MIS18BP1: variants seen among roughly 807,000 people sequenced by gnomAD.
MIS18BP1 encodes MIS18 binding protein 1.
MIS18BP1 carries 72 observed loss-of-function variants against 116.1 expected under a neutral mutation model. The ratio of observed to expected loss-of-function variants is 0.62; its 90% CI spans 0.51 to 0.75. The LOEUF (loss-of-function observed/expected upper bound fraction) is 0.75. Among genes scored for constraint, MIS18BP1 ranks in the 30% least tolerant of loss-of-function variants. The pLI is 0.00. For synonymous variants in MIS18BP1, 386 were observed against 427.0 expected (o/e 0.90, Z 1.18); for missense variants, 1,363 against 1,303.2 (o/e 1.05, Z -0.71).
At chr14:45,206,596 C>T (rs531239598) in intron 14 of MIS18BP1, among the ~76,000 whole-genome samples, 5 of 152,232 alleles carry the variant, frequency 3.3e-5, no homozygotes, top group East Asian at 3.9e-4. Flanking sequence ...TGACCTCAAA[C>T]GTATTTCCAT....
intron 2 of MIS18BP1, 140 bp downstream of exon 2, chr14:45,246,603 C>T: frequency 1.7e-6 from 1 of 590,548 alleles, no homozygotes; most frequent in Non-Finnish European, 2.7e-6. Context: ...TTATGTCTTC[C>T]CACCATGTGA....
Position 45,204,136 on chromosome 14 carries a change from A to G in MIS18BP1, c.3372T>C (p.Tyr1124=). ...ATGCAGAATCAGAGTTCGAAAAATA[A>G]TAATCTTTCTCTTCTTCATCTAAAG... ...VESLDEEEKD[Y]YFSNSDSA is the part of the protein sequence containing the mutation. Residue 1124 remains tyrosine, a synonymous_variant, in exon 17 of 17, where the codon TAT becomes TAC. Transcript: ENST00000310806. 1 of 1,609,904 alleles carries G rather than the reference A, an allele frequency of 6.2e-7. No homozygotes were observed. The highest frequency in any genetic ancestry group is 8.5e-7 in the Non-Finnish European group (1 of 1,178,548).
intron 1 of MIS18BP1, among the ~76,000 whole-genome samples, chr14:45,248,988 C>G (rs1374110532): frequency 1.3e-5 from 2 of 152,080 alleles, no homozygotes; most frequent in Non-Finnish European, 2.9e-5. Context: ...TCCCTGCAAC[C>G]TCGAAATCCT....
In MIS18BP1 at chr14:45,204,034, C is replaced by G; in HGVS notation, c.*75G>C. ...AGGAAGCTACTTTACAAAGAAAATACATGTACTCCAGTTGAAAATACAAAC... is the reference window on the plus strand; with the variant it reads ...AGGAAGCTACTTTACAAAGAAAATAGATGTACTCCAGTTGAAAATACAAAC... On this transcript the variant is annotated 3_prime_UTR_variant, in exon 17 of 17. Transcript: ENST00000310806. 1.3e-6 allele frequency: 2 copies of G among 1,532,820 alleles called. No individual in the cohort carries two copies. The highest frequency in any genetic ancestry group is 2.5e-5 in the South Asian group (2 of 78,542). The allele number at this position is 1,532,820 out of a possible 1,614,324, so 95.0% of individuals were successfully genotyped here. A position where few individuals can be genotyped will look rare whatever the true frequency, so the allele number is the denominator to read the frequency against.
In MIS18BP1 at chr14:45,206,417, G is replaced by A. The variant is rs551825299; in HGVS notation, c.3153-247C>T. On this transcript the variant is annotated intron_variant, in intron 14 of 16. Coordinates refer to ENST00000310806, the MANE Select transcript of MIS18BP1 (RefSeq NM_018353.5). ...TCCTCCCAACTCAGCCTCCCAAGTA[G>A]CTTGGACTACAGGCACGTGCCATCA... 1.4e-5 allele frequency: 5 copies of A among 355,482 alleles called. No individual in the cohort carries two copies. In the East Asian group the frequency reaches 1.9e-4, roughly 13 times the overall value. The allele number at this position is 355,482 out of a possible 1,614,324, so 22.0% of individuals were successfully genotyped here. A position where few individuals can be genotyped will look rare whatever the true frequency, so the allele number is the denominator to read the frequency against.
At chr14:45,220,857 C>T (rs767020288) in intron 11 of MIS18BP1, among the ~76,000 whole-genome samples, 3 of 152,040 alleles carry the variant, frequency 2.0e-5, no homozygotes, top group Non-Finnish European at 1.5e-5. Flanking sequence ...AATATCTGGC[C>T]GGGCTGGTGG....
At chr14:45,239,386 C>T (rs897939149) in intron 4 of MIS18BP1, among the ~76,000 whole-genome samples, 5 of 152,118 alleles carry the variant, frequency 3.3e-5, no homozygotes, top group South Asian at 2.1e-4. Context: ...AGTCAGGGAA[C>T]GTCTTGGAAG....
chr14:45,251,911 A>G (rs1891884673), intron 1 of MIS18BP1, among the ~76,000 whole-genome samples: 1 of 152,220 alleles, frequency 6.6e-6, no homozygotes, highest in South Asian at 2.1e-4. Flanking sequence ...TCCACTTCTA[A>G]CTTGTTTTTT....
chr14:45,235,901 G>T lies in MIS18BP1; in HGVS notation c.1261C>A (p.Arg421=). Residue 421 remains arginine, a synonymous_variant, in exon 6 of 17, where the codon CGG becomes AGG. Coordinates refer to ENST00000310806, the MANE Select transcript of MIS18BP1 (RefSeq NM_018353.5). ...IYWHSNVIIE[R]IEHNKLRTIS... ...GTCCTAAGTTTGTTGTGCTCAATCC[G>T]CTCTATAATTACATTACTGTGCCAA... 6.2e-7 allele frequency: 1 copy of T among 1,610,968 alleles called. No individual in the cohort carries two copies. The highest frequency in any genetic ancestry group is 8.5e-7 in the Non-Finnish European group (1 of 1,178,440).
At chr14:45,252,295 C>T (rs1433252351) in intron 1 of MIS18BP1, among the ~76,000 whole-genome samples, 1 of 152,100 alleles carries the variant, frequency 6.6e-6, no homozygotes, top group Non-Finnish European at 1.5e-5. Context: ...ACAATTTACT[C>T]TATGTATTCA....
chr14:45,248,510 A>G (rs1891785254), intron 1 of MIS18BP1, among the ~76,000 whole-genome samples: 4 of 152,190 alleles, frequency 2.6e-5, no homozygotes, highest in African/African-American at 7.2e-5. Flanking sequence ...ACTAGTCTAG[A>G]TTTACAGCAT....
chr14:45,227,638 T>C lies in MIS18BP1; in HGVS notation c.1746+25A>G, dbSNP rs919800246. The C allele has an allele frequency of 2.5e-6, 4 of 1,595,808 alleles. No homozygotes were observed. In the African/African-American group the frequency reaches 5.4e-5, roughly 21 times the overall value. Reference sequence around the variant, plus strand: ...CACCCTTCTAAATATCAACTTGAACTATACAGTGTACAATAAAGCCTTACC... The same window carrying C: ...CACCCTTCTAAATATCAACTTGAACCATACAGTGTACAATAAAGCCTTACC... On this transcript the variant is annotated intron_variant, in intron 9 of 16. Transcript: ENST00000310806.
intron 14 of MIS18BP1, chr14:45,210,110 G>GTTTT: frequency 8.6e-6 from 2 of 232,686 alleles, no homozygotes; most frequent in African/African-American, 2.3e-5. Flanking sequence ...GGTTTCTTTA[G>GTTTT]TTTTTTTTTT....
intron 14 of MIS18BP1, among the ~76,000 whole-genome samples, chr14:45,209,681 AT>A (rs1890622993): frequency 6.6e-6 from 1 of 152,150 alleles, no homozygotes; most frequent in East Asian, 1.9e-4. Flanking sequence ...CTACTGATAG[AT>A]TTTTGAGGTA....
chr14:45,218,332 G>C lies in MIS18BP1; in HGVS notation c.2792C>G (p.Ser931Cys), dbSNP rs1441975805. The change falls in exon 12 of 17, where the codon TCC becomes TGC. Residue 931 changes from serine (S) to cysteine (C), a missense_variant. Ser to Cys is a moderately radical substitution (Grantham distance 112). Coordinates refer to ENST00000310806, the MANE Select transcript of MIS18BP1 (RefSeq NM_018353.5). ...KYMENPRGKG[S>C]QKHVTKKKPA... Reference sequence around the variant, plus strand: ...CTTCTTCTTAGTGACATGTTTCTGGGATCCTTTTCCTCTGGGATTTTCCAT... The same window carrying C: ...CTTCTTCTTAGTGACATGTTTCTGGCATCCTTTTCCTCTGGGATTTTCCAT... The C allele has an allele frequency of 6.2e-7, 1 of 1,613,880 alleles. No individual in the cohort carries two copies. Among genetic ancestry groups the C allele is most frequent in the Non-Finnish European group, 8.5e-7 (1 of 1,180,002 alleles).
At chr14:45,216,945 A>G (rs1890834274) in intron 13 of MIS18BP1, 74 bp downstream of exon 13, 1 of 1,477,676 alleles carries the variant, frequency 6.8e-7, no homozygotes, top group African/African-American at 1.4e-5. Context: ...TTAGTGATGA[A>G]CACTACCATA....
intron 14 of MIS18BP1, among the ~76,000 whole-genome samples, chr14:45,208,064 T>C (rs1594496370): frequency 6.6e-6 from 1 of 152,200 alleles, no homozygotes; most frequent in South Asian, 2.1e-4. Context: ...ATTTGTTACA[T>C]AAAATTGGGA....
chr14:45,249,412 A>G (rs1252963), intron 1 of MIS18BP1, among the ~76,000 whole-genome samples: 27,143 of 151,780 alleles, frequency 0.18, 3,194 homozygotes, highest in African/African-American at 0.33. Flanking sequence ...GTAGAGACAG[A>G]GTTTCCCTAT....
intron 14 of MIS18BP1, among the ~76,000 whole-genome samples, chr14:45,207,758 A>G (rs551595396): frequency 1.3e-5 from 2 of 152,368 alleles, no homozygotes; most frequent in South Asian, 2.1e-4. Context: ...CTGAAGTGAT[A>G]TAACTGTTTG....
Sources: gnomAD v4.1 joint callset for allele counts (sites outside exome capture counted in the v4.1 genomes callset) on GRCh38, gnomAD v4.1.1 for gene constraint, MANE v1.5 for transcripts, NCBI Gene and HGNC (gene_info 2026-07-23, HGNC 2026-07-21) for gene names.